The following MAJIN variants were observed in gnomAD, a reference collection of about 807,000 sequenced individuals.
MAJIN encodes the protein membrane-anchored junction protein.
In MAJIN, 27 loss-of-function variants were observed where a neutral mutation model predicts 30.2. The ratio of observed to expected loss-of-function variants is 0.89; its 90% confidence interval spans 0.66 to 1.23. The LOEUF is 1.23. MAJIN is among the 50% of genes most tolerant of loss of function. The pLI is 0.00. For synonymous variants in MAJIN, 78 were observed against 91.6 expected (o/e 0.85, Z 0.85); for missense variants, 253 against 260.3 (o/e 0.97, Z 0.19).
intron 1 of MAJIN, among the ~76,000 whole-genome samples, chr11:64,963,756 T>C (rs1945763302): frequency 6.6e-6 from 1 of 152,138 alleles, no homozygotes; most frequent in Non-Finnish European, 1.5e-5. Context: ...GAGAATCGCT[T>C]GAACCCGGGG....
intron 4 of MAJIN, among the ~76,000 whole-genome samples, chr11:64,953,444 A>C (rs1011949755): frequency 6.6e-6 from 1 of 152,136 alleles, no homozygotes; most frequent in African/African-American, 2.4e-5. Flanking sequence ...TGAGCTTTTC[A>C]CTGCTCAGGT....
At chr11:64,969,019 G>A (rs1945855868) in intron 1 of MAJIN, among the ~76,000 whole-genome samples, 1 of 152,038 alleles carries the variant, frequency 6.6e-6, no homozygotes, top group Admixed American at 6.5e-5. Flanking sequence ...TTAATAAATA[G>A]TTAGATTTGA....
At chr11:64,942,423 T>A (rs891246743) in intron 8 of MAJIN, among the ~76,000 whole-genome samples, 5 of 152,052 alleles carry the variant, frequency 3.3e-5, no homozygotes, top group African/African-American at 1.2e-4. Context: ...CTTTTATCCC[T>A]CACCCCCTTC....
At chr11:64,959,245 T>C in intron 3 of MAJIN, 60 bp downstream of exon 3, 1 of 1,358,094 alleles carries the variant, frequency 7.4e-7, no homozygotes, top group South Asian at 1.2e-5. Context: ...AGGTGACCTG[T>C]GGGAATGCAC....
At chr11:64,955,797 A>G (rs1273426460) in intron 3 of MAJIN, among the ~76,000 whole-genome samples, 1 of 152,258 alleles carries the variant, frequency 6.6e-6, no homozygotes, top group East Asian at 1.9e-4. Flanking sequence ...AAATGTATCA[A>G]TATTTGGAGG....
intron 6 of MAJIN, among the ~76,000 whole-genome samples, 197 bp downstream of exon 6, chr11:64,949,546 T>G (rs1945516312): frequency 6.6e-6 from 1 of 152,220 alleles, no homozygotes; most frequent in South Asian, 2.1e-4. Flanking sequence ...ATAGAAAGAT[T>G]AATTTATCTA....
chr11:64,968,489 G>A (rs616341), intron 1 of MAJIN, among the ~76,000 whole-genome samples: 2 of 151,136 alleles, frequency 1.3e-5, no homozygotes, highest in African/African-American at 4.9e-5. Context: ...CTCGAACTCC[G>A]GAGCTCAAGT....
Position 64,938,294 on chromosome 11 carries a change from G to A in MAJIN, c.*281C>T, listed in dbSNP as rs564687435. ...GTGCCGAAGACAAAAGGCCTAAACCGGCCCTCAGGACATGAACATTTTAGA... is the reference window on the plus strand; with the variant it reads ...GTGCCGAAGACAAAAGGCCTAAACCAGCCCTCAGGACATGAACATTTTAGA... On this transcript the variant is annotated 3_prime_UTR_variant, in exon 11 of 11. Coordinates refer to ENST00000301896, the MANE Select transcript of MAJIN (RefSeq NM_001037225.3). The A allele has an allele frequency of 6.5e-5, 32 of 488,678 alleles. No individual in the cohort carries two copies. The highest frequency in any genetic ancestry group is 5.0e-4 in the African/African-American group (26 of 52,170). 30.3% of individuals were successfully genotyped at this position (488,678 alleles called of 1,614,324 possible).
intron 1 of MAJIN, among the ~76,000 whole-genome samples, chr11:64,970,037 C>CAGATACATACATGAAGGAACT (rs1945873268): frequency 6.6e-6 from 1 of 152,032 alleles, no homozygotes. Flanking sequence ...TTCCTACCTG[C>CAGATACATACATGAAGGAACT]AGATACATAC....
intron 8 of MAJIN, among the ~76,000 whole-genome samples, chr11:64,945,873 G>A (rs540455796): frequency 2.6e-5 from 4 of 152,306 alleles, no homozygotes; most frequent in African/African-American, 9.6e-5. Flanking sequence ...TCATCGATGC[G>A]TGTATTATGC....
chr11:64,949,394 T>C (rs996267793), intron 6 of MAJIN, among the ~76,000 whole-genome samples: 6 of 152,174 alleles, frequency 3.9e-5, no homozygotes, highest in African/African-American at 1.2e-4. Flanking sequence ...GAATTCTCTC[T>C]AATGGAAGGG....
chr11:64,939,300 A>C (rs1410605438), intron 10 of MAJIN, among the ~76,000 whole-genome samples: 1 of 152,074 alleles, frequency 6.6e-6, no homozygotes, highest in African/African-American at 2.4e-5. Flanking sequence ...GGGCTTCACC[A>C]TGTTGGCCAG....
At chr11:64,952,176 A>G (rs1049724789) in intron 4 of MAJIN, among the ~76,000 whole-genome samples, 1 of 151,546 alleles carries the variant, frequency 6.6e-6, no homozygotes, top group African/African-American at 2.4e-5. Flanking sequence ...GGCATGAGCG[A>G]CCACGCCCGG....
chr11:64,960,919 A>T (rs1343106696), intron 1 of MAJIN, among the ~76,000 whole-genome samples: 1 of 152,184 alleles, frequency 6.6e-6, no homozygotes, highest in Admixed American at 6.5e-5. Context: ...GACTATTTAG[A>T]CTAGAATTGC....
intron 8 of MAJIN, among the ~76,000 whole-genome samples, chr11:64,941,295 G>A (rs1945375605): frequency 6.6e-6 from 1 of 152,192 alleles, no homozygotes; most frequent in African/African-American, 2.4e-5. Context: ...TCAGAAATCA[G>A]GAGGACCTTA....
intron 1 of MAJIN, among the ~76,000 whole-genome samples, chr11:64,967,740 C>T (rs900022900): frequency 6.6e-5 from 10 of 152,138 alleles, no homozygotes; most frequent in Non-Finnish European, 1.3e-4. Flanking sequence ...TGAGACCCTA[C>T]AGTGTATCAG....
chr11:64,959,392 G>C lies in MAJIN; in HGVS notation c.14C>G (p.Pro5Arg). The C allele has an allele frequency of 6.2e-7, 1 of 1,613,512 alleles. No individual in the cohort carries two copies. Among genetic ancestry groups the C allele is most frequent in the Non-Finnish European group, 8.5e-7 (1 of 1,179,524 alleles). ...CGTCTCTGGAAACGGGTAGGTAAAG[G>C]GTTTTAAACTCATTGCTCCCAAACG... MSLKPFTYPFPETRF... is the reference protein window; with the variant it reads MSLKRFTYPFPETRF... The change falls in exon 3 of 11, where the codon CCC (proline) becomes CGC (arginine). Residue 5 changes from proline to arginine, a missense_variant. Coordinates refer to ENST00000301896, the MANE Select transcript of MAJIN (RefSeq NM_001037225.3).
At chr11:64,956,341 T>C (rs1251089791) in intron 3 of MAJIN, among the ~76,000 whole-genome samples, 1 of 151,592 alleles carries the variant, frequency 6.6e-6, no homozygotes, top group African/African-American at 2.4e-5. Flanking sequence ...TACAAAAAAT[T>C]AGCTGGACGT....
At chr11:64,954,496 T>A in intron 4 of MAJIN, 1 of 547,542 alleles carries the variant, frequency 1.8e-6, no homozygotes, top group Non-Finnish European at 3.3e-6. Context: ...AAAAGAGAGC[T>A]GCCCAAGGCT....
Sources: allele counts gnomAD v4.1 joint callset (sites outside exome capture counted in the v4.1 genomes callset), GRCh38; gene constraint gnomAD v4.1.1; transcripts MANE v1.5; gene names NCBI Gene and HGNC (gene_info 2026-07-23, HGNC 2026-07-21).